PRKCA: variants seen among roughly 807,000 people sequenced by gnomAD.
PRKCA encodes protein kinase C alpha type.
A neutral mutation model predicts 87.0 loss-of-function variants in PRKCA; 27 were observed. The observed-to-expected ratio is 0.31, with a 90% CI of 0.23 to 0.43. The LOEUF (loss-of-function observed/expected upper bound fraction) is 0.43, where lower values mean the gene tolerates loss of function less well. Ranked by LOEUF, PRKCA falls within the 20% of genes least tolerant of loss-of-function variation. The probability of loss-of-function intolerance (pLI) is 1.00; values close to 1 mark genes in which losing one functional copy is unlikely to be tolerated. For synonymous variants in PRKCA, 329 were observed against 311.1 expected (o/e 1.06, Z -0.61); for missense variants, 518 against 852.3 (o/e 0.61, Z 4.88).
chr17:66,741,027 T>G (rs1974148431), intron 11 of PRKCA, among the ~76,000 whole-genome samples: 1 of 152,242 alleles, frequency 6.6e-6, no homozygotes, highest in Non-Finnish European at 1.5e-5. Context: ...GTCTTGTGGC[T>G]TCTTCGACTT....
chr17:66,390,666 C>T (rs1360400727), intron 2 of PRKCA, among the ~76,000 whole-genome samples: 1 of 152,224 alleles, frequency 6.6e-6, no homozygotes, highest in African/African-American at 2.4e-5. Flanking sequence ...ATACCTTAGT[C>T]ACTTTTTAAT....
chr17:66,778,345 C>T (rs1453938926), intron 14 of PRKCA: 2 of 540,804 alleles, frequency 3.7e-6, no homozygotes, highest in Non-Finnish European at 4.7e-6. Flanking sequence ...AACCCCATCT[C>T]TACTAAAAAT....
chr17:66,445,407 G>A (rs866171448), intron 2 of PRKCA, among the ~76,000 whole-genome samples: 2 of 152,232 alleles, frequency 1.3e-5, no homozygotes, highest in Non-Finnish European at 2.9e-5. Context: ...AGCATTGGAG[G>A]CCAGAGGCCA....
At chr17:66,396,282 G>A (rs1048469195) in intron 2 of PRKCA, among the ~76,000 whole-genome samples, 1 of 152,116 alleles carries the variant, frequency 6.6e-6, no homozygotes, top group African/African-American at 2.4e-5. Context: ...AGAGTATTTT[G>A]TGTGTGTGAA....
rs12452071 is a variant in PRKCA, at chr17:66,603,436, C to T, written c.289-37919C>T. Reference sequence around the variant, plus strand: ...GAAGTAAAGAATTTTCAAAACGGGTCCTTTTTATATACAAACGTTTGTCTA... The same window carrying T: ...GAAGTAAAGAATTTTCAAAACGGGTTCTTTTTATATACAAACGTTTGTCTA... On this transcript the variant is annotated intron_variant, in intron 3 of 16. Transcript: ENST00000413366. Among the ~76,000 whole-genome samples, 989 of 152,154 alleles carry T rather than the reference C, an allele frequency of 6.5e-3. 27 individuals are homozygous for T. The highest frequency in any genetic ancestry group is 0.042 in the Admixed American group (639 of 15,286).
chr17:66,672,027 A>G (rs556569524), intron 5 of PRKCA, among the ~76,000 whole-genome samples: 79 of 152,368 alleles, frequency 5.2e-4, no homozygotes, highest in African/African-American at 1.2e-3. Context: ...AGAGTTAAAT[A>G]TAAGAAAGAA....
At chr17:66,428,814 G>A (rs1363957720) in intron 2 of PRKCA, among the ~76,000 whole-genome samples, 1 of 152,104 alleles carries the variant, frequency 6.6e-6, no homozygotes, top group Non-Finnish European at 1.5e-5. Flanking sequence ...TGAAAATCTT[G>A]AAGGAGAAGG....
chr17:66,674,181 G>T (rs1972264696), intron 5 of PRKCA, among the ~76,000 whole-genome samples: 1 of 152,216 alleles, frequency 6.6e-6, no homozygotes, highest in Non-Finnish European at 1.5e-5. Flanking sequence ...TGCCCTCAAG[G>T]TGCTGTCAGT....
chr17:66,569,371 A>AC (rs34377906), intron 3 of PRKCA, among the ~76,000 whole-genome samples: 91,077 of 151,924 alleles, frequency 0.6, 28,631 homozygotes, highest in African/African-American at 0.8. Flanking sequence ...GGCGTTCAAG[A>AC]CAGCCTGGCC....
intron 2 of PRKCA, among the ~76,000 whole-genome samples, chr17:66,347,223 C>T (rs1567782940): frequency 1.3e-5 from 2 of 151,868 alleles, no homozygotes; most frequent in African/African-American, 4.8e-5. Context: ...TTTTCCCTAA[C>T]AAAAAAAATT....
chr17:66,512,940 G>C (rs1424697484), intron 3 of PRKCA, among the ~76,000 whole-genome samples: 5 of 152,164 alleles, frequency 3.3e-5, no homozygotes, highest in Non-Finnish European at 5.9e-5. Context: ...TGACCTGCCT[G>C]CCTCTGCCTC....
chr17:66,726,146 G>C (rs1298494128), intron 8 of PRKCA, among the ~76,000 whole-genome samples: 1 of 132,734 alleles, frequency 7.5e-6, no homozygotes, highest in Admixed American at 7.6e-5. Flanking sequence ...AAGCTCAGGT[G>C]TTTGCAGGTG....
At chr17:66,683,499 G>A (rs1598871332) in intron 5 of PRKCA, among the ~76,000 whole-genome samples, 1 of 152,124 alleles carries the variant, frequency 6.6e-6, no homozygotes, top group African/African-American at 2.4e-5. Context: ...AGGGATCAGT[G>A]TTTGACTAAA....
At chr17:66,347,357 A>G (rs1246686810) in intron 2 of PRKCA, among the ~76,000 whole-genome samples, 1 of 151,888 alleles carries the variant, frequency 6.6e-6, no homozygotes, top group Admixed American at 6.6e-5. Flanking sequence ...TGTCTAACAC[A>G]TATATGTAAT....
chr17:66,774,869 G>A (rs1975013101), intron 14 of PRKCA: 3 of 985,444 alleles, frequency 3.0e-6, no homozygotes, highest in African/African-American at 3.5e-5. Context: ...CTGAAGTCCA[G>A]TGAGGCTGAA....
intron 13 of PRKCA, among the ~76,000 whole-genome samples, chr17:66,761,153 C>T (rs534887416): frequency 1.4e-4 from 21 of 152,112 alleles, no homozygotes; most frequent in African/African-American, 4.8e-4. Context: ...GGGCGGATCA[C>T]AAGGTCAGGA....
chr17:66,346,243 C>T (rs762945850), intron 2 of PRKCA, among the ~76,000 whole-genome samples: 29 of 151,690 alleles, frequency 1.9e-4, no homozygotes, highest in African/African-American at 4.6e-4. Flanking sequence ...ACTACAGGCA[C>T]GTGCCACCAC....
At chr17:66,467,691 G>A (rs1915144164) in intron 2 of PRKCA, among the ~76,000 whole-genome samples, 1 of 151,996 alleles carries the variant, frequency 6.6e-6, no homozygotes, top group Non-Finnish European at 1.5e-5. Flanking sequence ...CTGAGTAGCT[G>A]GGACCACAGG....
chr17:66,491,935 G>C lies in PRKCA; in HGVS notation c.206-4266G>C, dbSNP rs571438256. Among the ~76,000 whole-genome samples, 404 of 152,340 alleles carry C rather than the reference G, an allele frequency of 2.7e-3. 2 individuals are homozygous for C. The highest frequency in any genetic ancestry group is 9.3e-3 in the African/African-American group (387 of 41,584). On this transcript the variant is annotated intron_variant, in intron 2 of 16. Coordinates refer to ENST00000413366, the MANE Select transcript of PRKCA (RefSeq NM_002737.3). ...GCAGCCAGCGTCGGCCAACCTCCAA[G>C]CTCCTCTTTCCTGTTCCCCTCACGG...
Sources: gnomAD v4.1 joint callset for allele counts (sites outside exome capture counted in the v4.1 genomes callset) on GRCh38, gnomAD v4.1.1 for gene constraint, MANE v1.5 for transcripts, NCBI Gene and HGNC (gene_info 2026-07-23, HGNC 2026-07-21) for gene names.